ABCD3: variants seen among roughly 807,000 people sequenced by gnomAD.
ABCD3 encodes the protein ATP binding cassette subfamily D member 3.
Under a neutral mutation model 105.5 loss-of-function variants are expected in ABCD3, and 41 were observed. The observed-to-expected ratio is 0.39, with a 90% CI of 0.30 to 0.50. The LOEUF (loss-of-function observed/expected upper bound fraction) is 0.50, where lower values mean the gene tolerates loss of function less well. ABCD3 is among the 20% of genes least tolerant of loss of function. The pLI, the probability that ABCD3 is intolerant of heterozygous loss-of-function variation, is 0.84. For synonymous variants in ABCD3, 258 were observed against 269.0 expected, an observed-to-expected ratio of 0.96 and a Z score of 0.40; for missense variants, 622 against 806.3, an observed-to-expected ratio of 0.77 and a Z score of 2.77.
chr1:94,499,738 A>G, intron 20 of ABCD3, 124 bp downstream of exon 20: 1 of 1,236,556 alleles, frequency 8.1e-7, no homozygotes, highest in Non-Finnish European at 1.2e-6. Flanking sequence ...ATTAGTTTAA[A>G]TTATCATAAA....
chr1:94,509,545 A>G (rs573657169), intron 21 of ABCD3, among the ~76,000 whole-genome samples: 1 of 152,304 alleles, frequency 6.6e-6, no homozygotes, highest in Non-Finnish European at 1.5e-5. Context: ...ATTGACTGGA[A>G]TAGTTTCCGA....
chr1:94,402,834 G>A, the ABCD3 span, among the ~76,000 whole-genome samples: 5 of 151,478 alleles, frequency 3.3e-5, no homozygotes, highest in Non-Finnish European at 5.9e-5. Context: ...TTAAGTTTTA[G>A]GGTACATGTG....
At chr1:94,509,356 A>G (rs1030389114) in intron 21 of ABCD3, among the ~76,000 whole-genome samples, 1 of 152,208 alleles carries the variant, frequency 6.6e-6, no homozygotes, top group Non-Finnish European at 1.5e-5. Context: ...CATGGTGGAT[A>G]AGCTTTTTGA....
Position 94,467,919 on chromosome 1 carries a change from A to G in ABCD3, c.247A>G (p.Thr83Ala). The part of the protein sequence containing the change: ...IMVPRTFCKE[T>A]GYLVLIAVML... Reference sequence around the variant, plus strand: ...ATTTACTATACCTGGTTTATTTTAGACAGGTTACTTGGTACTTATTGCTGT... The same window carrying G: ...ATTTACTATACCTGGTTTATTTTAGGCAGGTTACTTGGTACTTATTGCTGT... The change falls in exon 4 of 23, where the codon ACA becomes GCA. Residue 83 changes from threonine (T) to alanine (A), a missense_variant and splice_region_variant. Coordinates refer to ENST00000370214, the MANE Select transcript of ABCD3 (RefSeq NM_002858.4). 6.2e-7 allele frequency: 1 copy of G among 1,607,700 alleles called. No individual in the cohort carries two copies. Among genetic ancestry groups the G allele is most frequent in the Non-Finnish European group, 8.5e-7 (1 of 1,174,562 alleles).
intron 5 of ABCD3, 117 bp downstream of exon 5, chr1:94,473,952 A>G (rs1648609621): frequency 2.6e-6 from 2 of 755,076 alleles, no homozygotes; most frequent in Non-Finnish European, 4.3e-6. Flanking sequence ...TCCTATTTTC[A>G]GTTTAGTTTT....
At chr1:94,398,683 G>T in the ABCD3 span, among the ~76,000 whole-genome samples, 1 of 152,186 alleles carries the variant, frequency 6.6e-6, no homozygotes, top group Non-Finnish European at 1.5e-5. Flanking sequence ...GGAGGCCAAG[G>T]CGGGCAAATC....
At chr1:94,481,434 G>A (rs1642029646) in intron 9 of ABCD3, 5 of 152,382 alleles carry the variant, frequency 3.3e-5, no homozygotes. Flanking sequence ...GAGTTAAGAG[G>A]TGATTTGCCA....
intron 1 of ABCD3, among the ~76,000 whole-genome samples, chr1:94,457,726 G>C (rs769571612): frequency 8.5e-5 from 13 of 152,154 alleles, no homozygotes; most frequent in Non-Finnish European, 1.6e-4. Context: ...CTGATGGACA[G>C]TGCTTGCTTT....
intron 7 of ABCD3, among the ~76,000 whole-genome samples, chr1:94,476,326 T>C (rs1256363545): frequency 2.0e-5 from 3 of 152,220 alleles, no homozygotes; most frequent in Non-Finnish European, 1.5e-5. Flanking sequence ...AGTCATGTTA[T>C]CTCACCACCC....
chr1:94,466,636 T>C (rs1435221327), intron 3 of ABCD3, among the ~76,000 whole-genome samples: 1 of 152,236 alleles, frequency 6.6e-6, no homozygotes, highest in East Asian at 1.9e-4. Flanking sequence ...TTAATGCTTA[T>C]CTTTTTTGTG....
rs76862080 is a variant in ABCD3, at chr1:94,426,285, A to G, written c.110+7697A>G. ...TATTTTTTCAGTTGCTGCTTCCTGA[A>G]TATGACAGTCTTTATTTCTCCACCT... On this transcript the variant is annotated intron_variant, in intron 1 of 22. Coordinates refer to ENST00000370214, the MANE Select transcript of ABCD3 (RefSeq NM_002858.4). Among the ~76,000 whole-genome samples the G allele has an allele frequency of 1.2e-4, 19 of 152,292 alleles. No homozygotes were observed. The East Asian group carries it at 3.1e-3, about 25-fold the overall frequency.
At chr1:94,389,357 C>CTGAA in the ABCD3 span, among the ~76,000 whole-genome samples, 1 of 152,174 alleles carries the variant, frequency 6.6e-6, no homozygotes, top group African/African-American at 2.4e-5. Flanking sequence ...GACATCCATG[C>CTGAA]TGAAGGTTGT....
At chr1:94,456,688 T>G (rs968116999) in intron 1 of ABCD3, among the ~76,000 whole-genome samples, 14 of 152,138 alleles carry the variant, frequency 9.2e-5, no homozygotes, top group Non-Finnish European at 1.8e-4. Context: ...CTTACTGTTA[T>G]GAATAATGCT....
chr1:94,399,349 C>T, the ABCD3 span, among the ~76,000 whole-genome samples: 3 of 152,256 alleles, frequency 2.0e-5, no homozygotes, highest in South Asian at 2.1e-4. Context: ...ATCTGAAAAA[C>T]GACTCTCCCT....
chr1:94,489,029 A>AT (rs1649405051), intron 13 of ABCD3, among the ~76,000 whole-genome samples: 1 of 152,122 alleles, frequency 6.6e-6, no homozygotes, highest in African/African-American at 2.4e-5. Flanking sequence ...GACCATAAAC[A>AT]TTCATCACCT....
At chr1:94,464,498 T>G (rs1648040383) in intron 2 of ABCD3, among the ~76,000 whole-genome samples, 1 of 151,992 alleles carries the variant, frequency 6.6e-6, no homozygotes, top group African/African-American at 2.4e-5. Context: ...GTGTTCACCT[T>G]GGTATTTTGC....
At chr1:94,416,022 C>T (rs1233519414), upstream of ABCD3, among the ~76,000 whole-genome samples, 1 of 152,212 alleles carries the variant, frequency 6.6e-6, no homozygotes, top group African/African-American at 2.4e-5. Flanking sequence ...TTTTTAGAAT[C>T]TCCCATGCTT....
chr1:94,426,197 A>G (rs1289649333), intron 1 of ABCD3, among the ~76,000 whole-genome samples: 2 of 152,182 alleles, frequency 1.3e-5, no homozygotes, highest in Admixed American at 6.5e-5. Flanking sequence ...TGATAGAATC[A>G]TTTACTTTCA....
At chr1:94,392,691 A>T in the ABCD3 span, among the ~76,000 whole-genome samples, 1 of 152,186 alleles carries the variant, frequency 6.6e-6, no homozygotes, top group Non-Finnish European at 1.5e-5. Flanking sequence ...CTCTCAGAAG[A>T]GGACCATTTT....
Sources: gnomAD v4.1 joint callset for allele counts (sites outside exome capture counted in the v4.1 genomes callset) on GRCh38, gnomAD v4.1.1 for gene constraint, MANE v1.5 for transcripts, NCBI Gene and HGNC (gene_info 2026-07-23, HGNC 2026-07-21) for gene names.